ANKRD31: variants seen among roughly 807,000 people sequenced by gnomAD.
ANKRD31 encodes the protein ankyrin repeat domain 31.
ANKRD31 carries 147 observed loss-of-function variants against 186.0 expected under a neutral mutation model. That is an observed-to-expected ratio of 0.79 (90% CI 0.69 to 0.91). ANKRD31 has a LOEUF of 0.91. Among genes scored for constraint, ANKRD31 ranks in the 40% least tolerant of loss-of-function variants. The pLI, the probability that ANKRD31 is intolerant of heterozygous loss-of-function variation, is 0.00. For synonymous variants in ANKRD31, 673 were observed against 736.4 expected (o/e 0.91, Z 1.39); for missense variants, 1,986 against 2,148.8 (o/e 0.92, Z 1.50).
chr5:75,219,550 T>A (rs777536384), intron 3 of ANKRD31, among the ~76,000 whole-genome samples: 1 of 152,184 alleles, frequency 6.6e-6, no homozygotes, highest in African/African-American at 2.4e-5. Flanking sequence ...TACTCATGAA[T>A]AGGAAGACTC....
At chr5:75,168,842 CATTATAA>C (rs1279219151) in intron 11 of ANKRD31, 130 bp downstream of exon 11, 25 of 867,716 alleles carry the variant, frequency 2.9e-5, no homozygotes, top group Non-Finnish European at 3.6e-5. Flanking sequence ...AGTAAAATTT[CATTATAA>C]ATTCTAAGTA....
intron 3 of ANKRD31, among the ~76,000 whole-genome samples, chr5:75,212,755 T>C (rs1442166702): frequency 2.6e-5 from 4 of 152,224 alleles, no homozygotes; most frequent in Non-Finnish European, 5.9e-5. Context: ...CTGGCTTTTG[T>C]CACTTTAAAA....
At chr5:75,114,989 A>G (rs936196442) in intron 19 of ANKRD31, among the ~76,000 whole-genome samples, 3 of 152,192 alleles carry the variant, frequency 2.0e-5, no homozygotes, top group Admixed American at 2.0e-4. Context: ...GAGGCATCAC[A>G]CTACCTGACT....
chr5:75,068,415 T>C lies in ANKRD31; in HGVS notation c.*104A>G. Reference sequence around the variant, plus strand: ...AACATACATCCTAAATAGCAACTCATAAAGTGTATGTTAAAATAGGCCCAC... The same window carrying C: ...AACATACATCCTAAATAGCAACTCACAAAGTGTATGTTAAAATAGGCCCAC... On this transcript the variant is annotated 3_prime_UTR_variant, in exon 26 of 26. Transcript: ENST00000506364. 8.9e-7 allele frequency: 1 copy of C among 1,121,220 alleles called. No individual in the cohort carries two copies. 69.5% of individuals were successfully genotyped at this position (1,121,220 alleles called of 1,614,324 possible). A position where few individuals can be genotyped will look rare whatever the true frequency, so the allele number is the denominator to read the frequency against.
At position 75,146,432 on chromosome 5, in the gene ANKRD31, T is replaced by C. The variant is rs1751444168; in HGVS notation, c.2979A>G (p.Ile993Met). The change falls in exon 14 of 26, where the codon ATA becomes ATG. Residue 993 changes from isoleucine to methionine, a missense_variant. Transcript: ENST00000506364. ...TTGAGTGATCAAAAGAAGGTCCAAA[T>C]ATGCATTGTTCATAATTTGCAACAT... ...SEHVANYEQC[I>M]FGPSFDHSNG... 2 of 1,536,370 alleles carry C rather than the reference T, an allele frequency of 1.3e-6. No individual in the cohort carries two copies. The highest frequency in any genetic ancestry group is 1.4e-5 in the African/African-American group (1 of 72,986).
In ANKRD31 at chr5:75,068,351, T is replaced by C. The variant is rs1743929863; in HGVS notation, c.*168A>G. ...CAATGGCAAAAAAGCATTAATCTTA[T>C]ATAATTGTTGAACAGTTACATACAT... On this transcript the variant is annotated 3_prime_UTR_variant, in exon 26 of 26. Coordinates refer to ENST00000506364, the MANE Select transcript of ANKRD31 (RefSeq NM_001372053.1). 3 of 561,784 alleles carry C rather than the reference T, an allele frequency of 5.3e-6. No individual in the cohort carries two copies. Among genetic ancestry groups the C allele is most frequent in the East Asian group, 3.5e-5 (1 of 28,862 alleles). The allele number at this position is 561,784 out of a possible 1,614,324, so 34.8% of individuals were successfully genotyped here.
rs1409841505 is a variant in ANKRD31, at chr5:75,091,279, C to G, written c.5454G>C (p.Trp1818Cys). The G allele has an allele frequency of 6.5e-7, 1 of 1,536,532 alleles. No individual in the cohort carries two copies. Among genetic ancestry groups the G allele is most frequent in the Non-Finnish European group, 8.7e-7 (1 of 1,146,730 alleles). ...GACCCACCTTACTCCAAGCATAATTCCAGGTCACATAACTGTTGCCTCCCA... is the reference window on the plus strand; with the variant it reads ...GACCCACCTTACTCCAAGCATAATTGCAGGTCACATAACTGTTGCCTCCCA... ...DLLGGNSYVT[W>C]NYAWSKVTYL... The change falls in exon 23 of 26, where the codon TGG (tryptophan) becomes TGC (cysteine). Residue 1818 changes from tryptophan (W) to cysteine (C), a missense_variant. Coordinates refer to ENST00000506364, the MANE Select transcript of ANKRD31 (RefSeq NM_001372053.1).
At chr5:75,171,417 A>T (rs1753311300) in intron 10 of ANKRD31, among the ~76,000 whole-genome samples, 1 of 151,964 alleles carries the variant, frequency 6.6e-6, no homozygotes, top group African/African-American at 2.4e-5. Flanking sequence ...TTCAAACTGA[A>T]TTACAATGAA....
chr5:75,233,012 A>T (rs1758042926), intron 1 of ANKRD31, among the ~76,000 whole-genome samples: 1 of 151,658 alleles, frequency 6.6e-6, no homozygotes, highest in Non-Finnish European at 1.5e-5. Context: ...TCTTTGTTTA[A>T]CCCAATACAA....
Position 75,104,911 on chromosome 5 carries a change from T to C in ANKRD31, c.4648A>G (p.Asn1550Asp). Residue 1550 changes from asparagine to aspartate, a missense_variant, in exon 22 of 26, where the codon AAC becomes GAC. Coordinates refer to ENST00000506364, the MANE Select transcript of ANKRD31 (RefSeq NM_001372053.1). ...CAAATGTTGGTATTTTGGCTGTAGTTCCAAGTTTCCAGAGACAATTGTGTT... is the reference window on the plus strand; with the variant it reads ...CAAATGTTGGTATTTTGGCTGTAGTCCCAAGTTTCCAGAGACAATTGTGTT... The part of the protein sequence containing the change: ...QETQLSLETW[N>D]YSQNTNICLN... 1 of 1,537,224 alleles carries C rather than the reference T, an allele frequency of 6.5e-7. No individual in the cohort carries two copies. The highest frequency in any genetic ancestry group is 1.4e-5 in the African/African-American group (1 of 73,158).
At chr5:75,179,817 G>T (rs985496105) in intron 10 of ANKRD31, among the ~76,000 whole-genome samples, 2 of 152,000 alleles carry the variant, frequency 1.3e-5, no homozygotes, top group African/African-American at 4.8e-5. Flanking sequence ...CCTTGAAAAT[G>T]GGCACAAGAC....
intron 17 of ANKRD31, among the ~76,000 whole-genome samples, chr5:75,119,263 T>C (rs4235683): frequency 0.51 from 77,197 of 152,006 alleles, 22,677 homozygotes; most frequent in African/African-American, 0.82. Context: ...CTCTCTCCCC[T>C]ACCTCGTAGT....
chr5:75,174,335 AC>A (rs1753596834), intron 10 of ANKRD31, among the ~76,000 whole-genome samples: 1 of 152,238 alleles, frequency 6.6e-6, no homozygotes, highest in African/African-American at 2.4e-5. Context: ...CTTCATGACG[AC>A]AACACCAAAA....
chr5:75,227,022 G>T (rs192168885), intron 2 of ANKRD31, among the ~76,000 whole-genome samples: 96 of 151,924 alleles, frequency 6.3e-4, no homozygotes, highest in Admixed American at 1.1e-3. Flanking sequence ...ACCAAGATTT[G>T]CAAGCAACCT....
rs530701883 is a variant in ANKRD31 at position 75,195,837 on chromosome 5, C to T, written c.811G>A (p.Ala271Thr). 1 of 1,537,204 alleles carries T rather than the reference C, an allele frequency of 6.5e-7. No individual in the cohort carries two copies. The highest frequency in any genetic ancestry group is 8.7e-7 in the Non-Finnish European group (1 of 1,146,814). ...SISIPLNSWS[A>T]CHRDLLEDAK... ...TCTTCTAGTAAATCTCTATGACATG[C>T]CGACCAGGAATTCAAAGGTATTGAT... Residue 271 changes from alanine (A) to threonine (T), a missense_variant, in exon 7 of 26, where the codon GCA becomes ACA. Ala to Thr is a moderately conservative substitution (Grantham distance 58). Transcript: ENST00000506364.
chr5:75,232,491 T>C, intron 1 of ANKRD31, among the ~76,000 whole-genome samples: 1 of 152,162 alleles, frequency 6.6e-6, no homozygotes, highest in African/African-American at 2.4e-5. Context: ...CTCGAACTCC[T>C]GACCTTCAGG....
At chr5:75,211,622 G>A (rs1405765594) in intron 3 of ANKRD31, among the ~76,000 whole-genome samples, 2 of 152,026 alleles carry the variant, frequency 1.3e-5, no homozygotes, top group Non-Finnish European at 2.9e-5. Flanking sequence ...TATGTACAAG[G>A]GTTCCAATTT....
At chr5:75,133,691 C>T (rs10097361) in intron 17 of ANKRD31, among the ~76,000 whole-genome samples, 2 of 152,202 alleles carry the variant, frequency 1.3e-5, no homozygotes, top group Admixed American at 6.5e-5. Context: ...GAACTCTCCA[C>T]CCCAAATCAA....
intron 17 of ANKRD31, among the ~76,000 whole-genome samples, chr5:75,120,859 C>G (rs1157059398): frequency 6.6e-6 from 1 of 151,938 alleles, no homozygotes; most frequent in Admixed American, 6.6e-5. Context: ...TATATGCTGC[C>G]CACAAGAAAC....
Sources: allele counts gnomAD v4.1 joint callset (sites outside exome capture counted in the v4.1 genomes callset), GRCh38; gene constraint gnomAD v4.1.1; transcripts MANE v1.5; gene names NCBI Gene and HGNC (gene_info 2026-07-23, HGNC 2026-07-21).